SOX6: variants seen among roughly 807,000 people sequenced by gnomAD.
SOX6 encodes SRY-box transcription factor 6, also known as transcription factor SOX-6.
A neutral mutation model predicts 97.8 loss-of-function variants in SOX6; 11 were observed. That is an observed-to-expected ratio of 0.11 (90% CI 0.07 to 0.19). The LOEUF (loss-of-function observed/expected upper bound fraction) is 0.19, where lower values mean the gene tolerates loss of function less well. SOX6 is among the 10% of genes least tolerant of loss of function. The pLI is 1.00. For synonymous variants in SOX6, 360 were observed against 371.4 expected (o/e 0.97, Z 0.35); for missense variants, 810 against 1,039.5 (o/e 0.78, Z 3.04).
At chr11:16,469,558 A>G (rs1174101580) in intron 1 of SOX6, among the ~76,000 whole-genome samples, 2 of 152,132 alleles carry the variant, frequency 1.3e-5, no homozygotes, top group Non-Finnish European at 2.9e-5. Context: ...CTATACTGGA[A>G]AAACCAGAAT....
At chr11:16,404,675 A>G (rs1858647595) in intron 1 of SOX6, among the ~76,000 whole-genome samples, 1 of 151,984 alleles carries the variant, frequency 6.6e-6, no homozygotes, top group Non-Finnish European at 1.5e-5. Context: ...ATACAAGACA[A>G]TATTGCATAA....
chr11:16,632,660 T>C (rs1848726762), intron 3 of SOX6, among the ~76,000 whole-genome samples: 1 of 152,036 alleles, frequency 6.6e-6, no homozygotes, highest in African/African-American at 2.4e-5. Context: ...ATCGAATAGG[T>C]GAGCACCAAG....
chr11:16,497,660 C>T lies in SOX6; in HGVS notation n.610-21272G>A, dbSNP rs572124674. 2.8e-4 allele frequency among the ~76,000 whole-genome samples: 43 copies of T among 152,250 alleles called. No homozygotes were observed. In the South Asian group the frequency reaches 8.1e-3, roughly 29 times the overall value. ...GCTGAAAACCACGGCATGAGAACTA[C>T]GTGACGAATGCACAAGCCTAAGTAG... On this transcript the variant is annotated intron_variant and non_coding_transcript_variant, in intron 4 of 5. Transcript: ENST00000524520.
chr11:15,993,706 C>A (rs548795925), intron 13 of SOX6, among the ~76,000 whole-genome samples: 96 of 152,204 alleles, frequency 6.3e-4, no homozygotes, highest in African/African-American at 2.1e-3. Flanking sequence ...GGCAAACTTT[C>A]GGTTAGATTA....
chr11:16,625,348 T>C (rs543268237), intron 3 of SOX6, among the ~76,000 whole-genome samples: 108 of 152,284 alleles, frequency 7.1e-4, no homozygotes, highest in African/African-American at 2.6e-3. Flanking sequence ...TGTACGAGTG[T>C]GAAATAAGAT....
In SOX6 at chr11:16,678,474, C is replaced by T. The variant is rs78294983; in HGVS notation, n.429+36356G>A. ...ATTGCCATAAAGAAATATCTGAAAC[C>T]GGTACCACTTCAAGATAGCCAAATA... On this transcript the variant is annotated intron_variant and non_coding_transcript_variant, in intron 3 of 5. Transcript: ENST00000524520. Among the ~76,000 whole-genome samples, 52 of 152,134 alleles carry T rather than the reference C, an allele frequency of 3.4e-4. No homozygotes were observed. The East Asian group carries it at 9.3e-3, about 27-fold the overall frequency.
chr11:16,169,297 A>G (rs776036390), intron 6 of SOX6, among the ~76,000 whole-genome samples: 5 of 152,286 alleles, frequency 3.3e-5, no homozygotes, highest in Non-Finnish European at 5.9e-5. Context: ...TTTGCATTTA[A>G]GTAGTCCTAT....
At chr11:16,191,835 C>A (rs983304057) in intron 4 of SOX6, among the ~76,000 whole-genome samples, 6 of 151,020 alleles carry the variant, frequency 4.0e-5, no homozygotes, top group African/African-American at 1.5e-4. Context: ...AAAGACAGTG[C>A]AGCAGGGTTT....
intron 1 of SOX6, among the ~76,000 whole-genome samples, chr11:16,451,132 T>C (rs1188701585): frequency 6.6e-6 from 1 of 152,004 alleles, no homozygotes; most frequent in African/African-American, 2.4e-5. Context: ...CTTGGGAGGC[T>C]GAGGCAGGAG....
intron 2 of SOX6, among the ~76,000 whole-genome samples, chr11:16,727,826 A>C (rs1388838772): frequency 1.3e-5 from 2 of 152,152 alleles, no homozygotes; most frequent in Non-Finnish European, 2.9e-5. Flanking sequence ...TTTCAACTTC[A>C]TATGCTCTGG....
At chr11:16,558,416 C>T (rs1360652516) in intron 4 of SOX6, among the ~76,000 whole-genome samples, 1 of 151,988 alleles carries the variant, frequency 6.6e-6, no homozygotes, top group Non-Finnish European at 1.5e-5. Context: ...TACTCTCATA[C>T]CATTCAAGTC....
intron 5 of SOX6, among the ~76,000 whole-genome samples, chr11:16,185,136 G>A (rs1172499932): frequency 6.6e-6 from 1 of 152,112 alleles, no homozygotes. Context: ...TCTAAATGTT[G>A]CTTTCTGATT....
intron 4 of SOX6, among the ~76,000 whole-genome samples, chr11:16,561,943 T>C (rs957107125): frequency 2.0e-5 from 3 of 151,916 alleles, no homozygotes; most frequent in African/African-American, 4.8e-5. Flanking sequence ...CCCAGGCAGG[T>C]CTCTAACTCC....
chr11:16,667,623 T>C (rs936008551), intron 3 of SOX6, among the ~76,000 whole-genome samples: 1 of 152,076 alleles, frequency 6.6e-6, no homozygotes, highest in Non-Finnish European at 1.5e-5. Context: ...ATAAAGACTT[T>C]CTCAGACAAA....
intron 3 of SOX6, among the ~76,000 whole-genome samples, chr11:16,259,945 A>ATATATGTGTG (rs3059123): frequency 6.7e-6 from 1 of 149,038 alleles, no homozygotes; most frequent in East Asian, 2.0e-4. Flanking sequence ...TGTCCCAAAT[A>ATATATGTGTG]TGTGTGTGTG....
chr11:16,155,181 T>A (rs1850564642), intron 6 of SOX6, among the ~76,000 whole-genome samples: 1 of 152,122 alleles, frequency 6.6e-6, no homozygotes, highest in African/African-American at 2.4e-5. Flanking sequence ...GAAAGATACA[T>A]CACATAGTGG....
intron 9 of SOX6, among the ~76,000 whole-genome samples, chr11:16,064,138 CCTT>C (rs1217469886): frequency 6.6e-6 from 1 of 151,696 alleles, no homozygotes; most frequent in South Asian, 2.1e-4. Context: ...TAGAAAATGT[CCTT>C]CTCCAAATCT....
chr11:16,060,350 T>C (rs577584316), intron 9 of SOX6, among the ~76,000 whole-genome samples: 3 of 151,988 alleles, frequency 2.0e-5, no homozygotes, highest in African/African-American at 7.2e-5. Context: ...ATAGAGCTGG[T>C]TCTTGTGAGT....
intron 2 of SOX6, among the ~76,000 whole-genome samples, chr11:16,723,558 C>G (rs1234286618): frequency 6.6e-5 from 10 of 152,046 alleles, no homozygotes; most frequent in Non-Finnish European, 8.8e-5. Flanking sequence ...ACCTGTAATC[C>G]TAGCACTTTG....
Sources: allele counts gnomAD v4.1 joint callset (sites outside exome capture counted in the v4.1 genomes callset), GRCh38; gene constraint gnomAD v4.1.1; transcripts MANE v1.5; gene names NCBI Gene and HGNC (gene_info 2026-07-23, HGNC 2026-07-21).